The following FDCSP variants were observed in gnomAD, a reference collection of about 807,000 sequenced individuals.
FDCSP encodes the protein follicular dendritic cell secreted protein.
Under a neutral mutation model 8.9 loss-of-function variants are expected in FDCSP, and 8 were observed. That is an observed-to-expected ratio of 0.90 (90% CI 0.53 to 1.63). The LOEUF (loss-of-function observed/expected upper bound fraction) is 1.63. Ranked by LOEUF, FDCSP falls within the 40% of genes most tolerant of loss-of-function variation. FDCSP has a pLI of 0.00. For missense variants in FDCSP, 101 were observed against 103.6 expected (o/e 0.98, Z 0.11); for synonymous variants, 34 against 34.5 (o/e 0.98, Z 0.06).
chr4:70,234,190 A>G lies in FDCSP; in HGVS notation c.*3A>G. On this transcript the variant is annotated 3_prime_UTR_variant, in exon 4 of 5. Transcript: ENST00000317987. ...CTCCCCTTCCTAGCGAAAAGTAAAC[A>G]AGAAGGAAAAGTCACGATAAACCTG... 1.9e-6 allele frequency: 3 copies of G among 1,608,076 alleles called. No individual in the cohort carries two copies. Among genetic ancestry groups the G allele is most frequent in the Non-Finnish European group, 2.5e-6 (3 of 1,176,616 alleles).
chr4:70,232,464 T>G (rs1730101390), intron 2 of FDCSP, among the ~76,000 whole-genome samples: 1 of 151,684 alleles, frequency 6.6e-6, no homozygotes, highest in African/African-American at 2.4e-5. Context: ...AGTAAGAGAC[T>G]ATACTGTCTA....
At chr4:70,232,708 C>T (rs1221859303) in intron 2 of FDCSP, among the ~76,000 whole-genome samples, 1 of 151,530 alleles carries the variant, frequency 6.6e-6, no homozygotes, top group African/African-American at 2.4e-5. Context: ...ATACCTAACA[C>T]CTGCCCTTTT....
At chr4:70,227,535 TA>T (rs1730007725) in intron 1 of FDCSP, among the ~76,000 whole-genome samples, 1 of 145,882 alleles carries the variant, frequency 6.9e-6, no homozygotes, top group African/African-American at 2.5e-5. Flanking sequence ...ATAATGATAT[TA>T]AAAATTGACA....
Position 70,233,979 on chromosome 4 carries a change from T to C in FDCSP, c.91-41T>C, listed in dbSNP as rs569770405. On this transcript the variant is annotated intron_variant, in intron 3 of 4. Transcript: ENST00000317987. ...AAAGCTGTTTTATTTCTCTTCTTTG[T>C]AAAAAGTGAAATAAACCCTTTAACT... The C allele has an allele frequency of 2.6e-6, 4 of 1,531,860 alleles. No homozygotes were observed. In the African/African-American group the frequency reaches 4.2e-5, roughly 16 times the overall value. The allele number at this position is 1,531,860 out of a possible 1,614,324, so 94.9% of individuals were successfully genotyped here.
At chr4:70,228,580 C>A (rs1270625127) in intron 1 of FDCSP, among the ~76,000 whole-genome samples, 1 of 151,758 alleles carries the variant, frequency 6.6e-6, no homozygotes, top group African/African-American at 2.4e-5. Context: ...TTGCCCAGAT[C>A]CATCAAATAA....
At chr4:70,228,321 G>C (rs996908939) in intron 1 of FDCSP, among the ~76,000 whole-genome samples, 1 of 151,666 alleles carries the variant, frequency 6.6e-6, no homozygotes, top group Non-Finnish European at 1.5e-5. Flanking sequence ...AAGTTTTACC[G>C]TTAGATTGAA....
rs1242479450 is a variant in FDCSP at position 70,234,084 on chromosome 4, C to T, written c.155C>T (p.Pro52Leu). The T allele has an allele frequency of 6.2e-7, 1 of 1,611,254 alleles. No homozygotes were observed. The highest frequency in any genetic ancestry group is 8.5e-7 in the Non-Finnish European group (1 of 1,178,272). The change falls in exon 4 of 5, where the codon CCA becomes CTA. Residue 52 changes from proline (P) to leucine (L), a missense_variant. Coordinates refer to ENST00000317987, the MANE Select transcript of FDCSP (RefSeq NM_152997.4). ...TTCCCTTACCCATATCCATTTCGCC[C>T]ACTTCCACCAATTCCATTTCCAAGA... The part of the protein sequence containing the change: ...FVFPYPYPFR[P>L]LPPIPFPRFP...
In FDCSP at chr4:70,233,028, T is replaced by C; in HGVS notation, c.90+2T>C. On this transcript the variant is annotated splice_donor_variant, in intron 3 of 4. Coordinates refer to ENST00000317987, the MANE Select transcript of FDCSP (RefSeq NM_152997.4). LOFTEE classifies it high-confidence loss of function. ...GACCAGGAACGAGAAAAAAGAAGTG[T>C]AAGTTACCTTTTCTCTTTTTTACAT... is the stretch of plus-strand genomic sequence containing the variant. The C allele has an allele frequency of 1.9e-6, 3 of 1,593,664 alleles. No individual in the cohort carries two copies. Among genetic ancestry groups the C allele is most frequent in the Non-Finnish European group, 2.6e-6 (3 of 1,171,410 alleles).
At chr4:70,228,958 T>A (rs1037138887) in intron 1 of FDCSP, among the ~76,000 whole-genome samples, 2 of 151,786 alleles carry the variant, frequency 1.3e-5, no homozygotes, top group Non-Finnish European at 2.9e-5. Context: ...GAGCATTGGC[T>A]TCAATTTAGG....
chr4:70,234,601 C>A (rs556582614), intron 4 of FDCSP, among the ~76,000 whole-genome samples: 93 of 151,618 alleles, frequency 6.1e-4, no homozygotes, highest in Middle Eastern at 6.8e-3. Flanking sequence ...AGTAGACCAG[C>A]TTAGCCCTTA....
intron 2 of FDCSP, among the ~76,000 whole-genome samples, chr4:70,231,922 T>C (rs1309263707): frequency 1.3e-5 from 2 of 151,690 alleles, no homozygotes; most frequent in African/African-American, 4.8e-5. Context: ...AGCTAATGTA[T>C]ATGTTTATGT....
chr4:70,232,013 T>C (rs1730092505), intron 2 of FDCSP, among the ~76,000 whole-genome samples: 1 of 151,840 alleles, frequency 6.6e-6, no homozygotes, highest in Admixed American at 6.6e-5. Context: ...AGTATTTTTG[T>C]ACAGCTGTAA....
chr4:70,228,168 T>C lies in FDCSP; in HGVS notation c.-1+1986T>C, dbSNP rs146559813. On this transcript the variant is annotated intron_variant, in intron 1 of 4. Coordinates refer to ENST00000317987, the MANE Select transcript of FDCSP (RefSeq NM_152997.4). The stretch of plus-strand genomic sequence containing the variant: ...ACTCAACCCTTGCAAACCCTGCCAC[T>C]GCTTTATCAATTAAGTTTATGTAGT... 7.3e-4 allele frequency among the ~76,000 whole-genome samples: 111 copies of C among 151,968 alleles called. 1 individual carries two copies. The highest frequency in any genetic ancestry group is 2.5e-3 in the African/African-American group (102 of 41,522).
At chr4:70,232,023 A>T in intron 2 of FDCSP, among the ~76,000 whole-genome samples, 1 of 151,842 alleles carries the variant, frequency 6.6e-6, no homozygotes, top group Non-Finnish European at 1.5e-5. Context: ...TACAGCTGTA[A>T]AATGTGTTTG....
intron 2 of FDCSP, among the ~76,000 whole-genome samples, chr4:70,231,565 T>C (rs982779572): frequency 2.0e-5 from 3 of 151,704 alleles, no homozygotes; most frequent in African/African-American, 7.2e-5. Flanking sequence ...TGTTCATGTG[T>C]TTGAGATGAT....
chr4:70,227,207 C>G (rs1730001261), intron 1 of FDCSP, among the ~76,000 whole-genome samples: 1 of 151,564 alleles, frequency 6.6e-6, no homozygotes, highest in South Asian at 2.1e-4. Flanking sequence ...ATGTGTGTGT[C>G]TGTGAGGAGT....
intron 2 of FDCSP, among the ~76,000 whole-genome samples, chr4:70,232,257 A>G (rs529770202): frequency 6.6e-6 from 1 of 151,696 alleles, no homozygotes; most frequent in East Asian, 1.9e-4. Flanking sequence ...TGAAAGCTTT[A>G]TTTATGGTAC....
chr4:70,235,020 A>G (rs1485397506), intron 4 of FDCSP, 65 bp from the exon 5 acceptor site: 1 of 151,590 alleles, frequency 6.6e-6, no homozygotes, highest in Non-Finnish European at 1.5e-5. Context: ...AATGCAGAAA[A>G]TGTATATGTT....
rs188739665 is a variant in FDCSP at position 70,233,824 on chromosome 4, A to C, written c.91-196A>C. On this transcript the variant is annotated intron_variant, in intron 3 of 4. Coordinates refer to ENST00000317987, the MANE Select transcript of FDCSP (RefSeq NM_152997.4). ...TTAACTGGAAAGGTATAGGAACATG[A>C]GTATCTCTAAATAATTTTTAAATGA... is the stretch of plus-strand genomic sequence containing the variant. Among the ~76,000 whole-genome samples, 323 of 151,766 alleles carry C rather than the reference A, an allele frequency of 2.1e-3. 1 individual carries two copies. The highest frequency in any genetic ancestry group is 6.8e-3 in the African/African-American group (284 of 41,480).
Sources: gnomAD v4.1 joint callset for allele counts (sites outside exome capture counted in the v4.1 genomes callset) on GRCh38, gnomAD v4.1.1 for gene constraint, MANE v1.5 for transcripts, NCBI Gene and HGNC (gene_info 2026-07-23, HGNC 2026-07-21) for gene names.